ANKS1A: variants seen among roughly 807,000 people sequenced by gnomAD.
ANKS1A encodes ankyrin repeat and SAM domain-containing protein 1A.
Under a neutral mutation model 120.3 loss-of-function variants are expected in ANKS1A, and 55 were observed. The observed-to-expected ratio is 0.46, with a 90% CI of 0.37 to 0.57. ANKS1A has a LOEUF of 0.57. Among genes scored for constraint, ANKS1A ranks in the 20% least tolerant of loss-of-function variants. The probability of loss-of-function intolerance (pLI) is 0.00; values close to 1 mark genes in which losing one functional copy is unlikely to be tolerated. For synonymous variants in ANKS1A, 590 were observed against 604.7 expected (o/e 0.98, Z 0.36); for missense variants, 1,123 against 1,480.3 (o/e 0.76, Z 3.96).
intron 1 of ANKS1A, among the ~76,000 whole-genome samples, chr6:34,909,262 C>T (rs1237755227): frequency 6.6e-6 from 1 of 152,204 alleles, no homozygotes; most frequent in Non-Finnish European, 1.5e-5. Context: ...TAAATAAATT[C>T]TCCCGTAAAA....
chr6:35,015,014 G>C (rs1465023500), intron 10 of ANKS1A, among the ~76,000 whole-genome samples: 2 of 152,180 alleles, frequency 1.3e-5, no homozygotes, highest in African/African-American at 4.8e-5. Context: ...AATATTCGTA[G>C]CCATGAGTCG....
At chr6:35,034,291 T>C (rs1188903305) in intron 11 of ANKS1A, among the ~76,000 whole-genome samples, 1 of 152,206 alleles carries the variant, frequency 6.6e-6, no homozygotes, top group Non-Finnish European at 1.5e-5. Context: ...TGGTTCTTTT[T>C]CTTGAATGTT....
chr6:34,959,266 T>G (rs140737346), intron 1 of ANKS1A, among the ~76,000 whole-genome samples: 1,527 of 152,338 alleles, frequency 0.01, 13 homozygotes, highest in Non-Finnish European at 0.013. Context: ...ATTGTTGCCA[T>G]TCTTAATGGA....
At chr6:35,016,229 G>A (rs1773998082) in intron 10 of ANKS1A, among the ~76,000 whole-genome samples, 1 of 152,188 alleles carries the variant, frequency 6.6e-6, no homozygotes, top group African/African-American at 2.4e-5. Flanking sequence ...GTCTTCTCCT[G>A]CACCACCTGG....
At chr6:35,002,757 T>C (rs1240845955) in intron 10 of ANKS1A, among the ~76,000 whole-genome samples, 1 of 151,800 alleles carries the variant, frequency 6.6e-6, no homozygotes, top group African/African-American at 2.4e-5. Flanking sequence ...GTTCTAAAAG[T>C]CTCAATTATT....
At chr6:34,963,079 C>G (rs1770727985) in intron 1 of ANKS1A, among the ~76,000 whole-genome samples, 1 of 151,974 alleles carries the variant, frequency 6.6e-6, no homozygotes, top group Non-Finnish European at 1.5e-5. Flanking sequence ...CCAGGCTGGT[C>G]TCGAACTCCT....
rs530436333 is a variant in ANKS1A, at chr6:35,038,135, C to T, written c.2011-15964C>T. 3 of 454,948 alleles carry T rather than the reference C, an allele frequency of 6.6e-6. No homozygotes were observed. In the East Asian group the frequency reaches 2.1e-4, roughly 32 times the overall value. 28.2% of individuals were successfully genotyped at this position (454,948 alleles called of 1,614,324 possible). On this transcript the variant is annotated intron_variant, in intron 11 of 23. Coordinates refer to ENST00000360359, the MANE Select transcript of ANKS1A (RefSeq NM_015245.3). ...AAATTTCTTGCCAGCCTGTGCCTTT[C>T]CTCTAACTCCAACCCGCACCCCCAT... is the stretch of plus-strand genomic sequence containing the variant.
At chr6:34,912,627 CAGAT>C (rs1301724036) in intron 1 of ANKS1A, among the ~76,000 whole-genome samples, 2 of 152,132 alleles carry the variant, frequency 1.3e-5, no homozygotes, top group Admixed American at 6.5e-5. Context: ...TCTCACCTAA[CAGAT>C]AGTAAGGATT....
At chr6:34,957,643 C>A (rs1300931592) in intron 1 of ANKS1A, among the ~76,000 whole-genome samples, 1 of 152,116 alleles carries the variant, frequency 6.6e-6, no homozygotes, top group African/African-American at 2.4e-5. Context: ...ACCTCTCTTC[C>A]CCCTCAAGTT....
At chr6:35,059,321 C>T (rs891530944) in intron 12 of ANKS1A, among the ~76,000 whole-genome samples, 4 of 152,256 alleles carry the variant, frequency 2.6e-5, no homozygotes, top group Non-Finnish European at 2.9e-5. Context: ...CGGCGGAATG[C>T]GATGCTGCCG....
intron 13 of ANKS1A, among the ~76,000 whole-genome samples, chr6:35,063,174 C>T (rs971384452): frequency 1.2e-4 from 19 of 152,194 alleles, no homozygotes; most frequent in Non-Finnish European, 2.5e-4. Context: ...TGACACCAGA[C>T]GCAGGGAGAG....
intron 3 of ANKS1A, among the ~76,000 whole-genome samples, chr6:34,979,223 A>G (rs904287058): frequency 2.0e-5 from 3 of 152,124 alleles, no homozygotes; most frequent in Admixed American, 2.0e-4. Context: ...GCTCCCATGT[A>G]ATTCCAAAAT....
chr6:35,078,589 G>A lies in ANKS1A; in HGVS notation c.2216G>A (p.Arg739Gln), dbSNP rs747607930. ...AATGTGATGGAAGAGCAGGACCTGC[G>A]GGACATCGGCATCAGCGACCCACAG... is the stretch of plus-strand genomic sequence containing the variant. ...GSNVMEEQDL[R>Q]DIGISDPQHR... Residue 739 changes from arginine to glutamine, a missense_variant, in exon 14 of 24, where the codon CGG (arginine) becomes CAG (glutamine). By Grantham distance (43) the Arg-to-Gln change is conservative. This residue lies in a region of ANKS1A where 904 missense variants were observed against 1,130.4 expected (regional missense o/e 0.80). Transcript: ENST00000360359. 5.1e-5 allele frequency: 82 copies of A among 1,609,568 alleles called. No individual in the cohort carries two copies. The highest frequency in any genetic ancestry group is 1.1e-4 in the South Asian group (10 of 91,096).
rs138423975 is a variant in ANKS1A at position 35,057,122 on chromosome 6, G to A, written c.2077+2957G>A. Among the ~76,000 whole-genome samples, 1,621 of 152,074 alleles carry A rather than the reference G, an allele frequency of 0.011. 9 individuals are homozygous for A. The highest frequency in any genetic ancestry group is 0.026 in the African/African-American group (1,063 of 41,482). ...CCAGCACCACTGGTTTTGCAGAGGC[G>A]CCCGCACCCCCCAGCCGAAGGGCAC... On this transcript the variant is annotated intron_variant, in intron 12 of 23. Transcript: ENST00000360359. The surrounding 1 kb of genome is among the most constrained non-coding windows in gnomAD (Gnocchi z 4.1).
chr6:34,969,962 G>A (rs1771098499), intron 2 of ANKS1A, 48 bp from the exon 3 acceptor site: 1 of 1,595,830 alleles, frequency 6.3e-7, no homozygotes, highest in Non-Finnish European at 8.5e-7. Flanking sequence ...CTGTTAGCTG[G>A]AAAGACTTCT....
At chr6:34,965,249 T>G (rs1770835277) in intron 1 of ANKS1A, among the ~76,000 whole-genome samples, 1 of 152,236 alleles carries the variant, frequency 6.6e-6, no homozygotes, top group Non-Finnish European at 1.5e-5. Context: ...AATCTTTTTT[T>G]GTCTTATTAC....
chr6:35,093,981 C>T (rs1299279067), downstream of ANKS1A, among the ~76,000 whole-genome samples: 4 of 152,174 alleles, frequency 2.6e-5, no homozygotes, highest in Non-Finnish European at 5.9e-5. Flanking sequence ...GCTGCTCCCG[C>T]CTTGGGAGTC....
intron 16 of ANKS1A, among the ~76,000 whole-genome samples, chr6:35,080,362 CCTGACAACAGAAA>C (rs1426129118): frequency 6.6e-6 from 1 of 152,224 alleles, no homozygotes; most frequent in African/African-American, 2.4e-5. Flanking sequence ...GCCGGTAATT[CCTGACAACAGAAA>C]CGGGTTAGAC....
chr6:35,052,633 GAATAAT>G (rs1776027911), intron 11 of ANKS1A, among the ~76,000 whole-genome samples: 1 of 111,500 alleles, frequency 9.0e-6, no homozygotes, highest in African/African-American at 3.3e-5. Flanking sequence ...AAAAAAAAAA[GAATAAT>G]AAAAATAAAA....
Sources: allele counts gnomAD v4.1 joint callset (sites outside exome capture counted in the v4.1 genomes callset), GRCh38; gene constraint gnomAD v4.1.1; regional missense constraint gnomAD v4.1.1; non-coding constraint Gnocchi (gnomAD v3.1); transcripts MANE v1.5; gene names NCBI Gene and HGNC (gene_info 2026-07-23, HGNC 2026-07-21).